The following NELL1 variants were observed in gnomAD, a reference collection of about 807,000 sequenced individuals.
NELL1 encodes the protein protein kinase C-binding protein NELL1.
A neutral mutation model predicts 107.4 loss-of-function variants in NELL1; 76 were observed. That is an observed-to-expected ratio of 0.71 (90% CI 0.59 to 0.86). The LOEUF (loss-of-function observed/expected upper bound fraction) is 0.86, where lower values mean the gene tolerates loss of function less well. NELL1 is among the 40% of genes least tolerant of loss of function. The probability of loss-of-function intolerance (pLI) is 0.00; values close to 1 mark genes in which losing one functional copy is unlikely to be tolerated. For missense variants in NELL1, 1,024 were observed against 1,005.5 expected (o/e 1.02, Z -0.25); for synonymous variants, 353 against 341.2 (o/e 1.03, Z -0.38).
chr11:21,030,423 T>C (rs988088345), intron 12 of NELL1, among the ~76,000 whole-genome samples: 10 of 152,190 alleles, frequency 6.6e-5, no homozygotes, highest in Non-Finnish European at 1.3e-4. Context: ...CTTTTTGATA[T>C]TCAGCTAATG....
chr11:21,061,413 G>C (rs893554473), intron 12 of NELL1, among the ~76,000 whole-genome samples: 3 of 152,104 alleles, frequency 2.0e-5, no homozygotes, highest in East Asian at 1.9e-4. Flanking sequence ...AACTTTGAAG[G>C]GTACACAGGA....
intron 1 of NELL1, among the ~76,000 whole-genome samples, chr11:20,673,155 C>A (rs1313504598): frequency 6.6e-6 from 1 of 152,048 alleles, no homozygotes; most frequent in Non-Finnish European, 1.5e-5. Context: ...AGCCACTGCG[C>A]CTGGCCAAGA....
chr11:20,936,236 T>C (rs1345032235), intron 9 of NELL1, among the ~76,000 whole-genome samples: 1 of 152,154 alleles, frequency 6.6e-6, no homozygotes, highest in Non-Finnish European at 1.5e-5. Flanking sequence ...CTGTGTACCA[T>C]GTTCACCCAT....
chr11:21,410,602 A>G (rs1302783693), intron 15 of NELL1, among the ~76,000 whole-genome samples: 1 of 152,104 alleles, frequency 6.6e-6, no homozygotes, highest in East Asian at 1.9e-4. Context: ...GATTTGTTAT[A>G]TGTGTGGATT....
intron 12 of NELL1, among the ~76,000 whole-genome samples, chr11:21,036,749 C>T (rs1853102489): frequency 6.6e-6 from 1 of 151,102 alleles, no homozygotes; most frequent in South Asian, 2.1e-4. Flanking sequence ...CACACACACT[C>T]ACACACACAA....
chr11:21,185,293 C>G (rs867520266), intron 13 of NELL1, among the ~76,000 whole-genome samples: 1 of 118,478 alleles, frequency 8.4e-6, no homozygotes, highest in Non-Finnish European at 1.6e-5. Context: ...ATTCCAGTAT[C>G]TTTTTTTTTT....
chr11:21,379,518 AC>A (rs1797615915), intron 15 of NELL1, among the ~76,000 whole-genome samples: 1 of 152,102 alleles, frequency 6.6e-6, no homozygotes. Context: ...TTGTTCATTC[AC>A]AATATAATTT....
intron 14 of NELL1, among the ~76,000 whole-genome samples, chr11:21,302,161 G>C (rs1401391464): frequency 6.6e-6 from 1 of 151,964 alleles, no homozygotes; most frequent in Admixed American, 6.6e-5. Context: ...GGTTGACCAG[G>C]CTCAGCTGGG....
chr11:21,495,574 A>T (rs1455681727), intron 15 of NELL1, among the ~76,000 whole-genome samples: 1 of 152,130 alleles, frequency 6.6e-6, no homozygotes, highest in Non-Finnish European at 1.5e-5. Flanking sequence ...ACTTTCTAAG[A>T]AACTACCAAA....
chr11:20,977,039 A>G (rs1400647187), intron 12 of NELL1, among the ~76,000 whole-genome samples: 1 of 151,998 alleles, frequency 6.6e-6, no homozygotes, highest in Non-Finnish European at 1.5e-5. Context: ...GATGTTTCTG[A>G]ATATGTGGCC....
At chr11:20,956,840 A>G (rs1009935556) in intron 11 of NELL1, among the ~76,000 whole-genome samples, 6 of 152,202 alleles carry the variant, frequency 3.9e-5, no homozygotes, top group Non-Finnish European at 7.3e-5. Context: ...GTACTGATTT[A>G]AAGATGATAA....
chr11:21,494,792 G>A lies in NELL1; in HGVS notation c.1646-39582G>A, dbSNP rs181376223. Among the ~76,000 whole-genome samples, 34 of 151,770 alleles carry A rather than the reference G, an allele frequency of 2.2e-4. No individual in the cohort carries two copies. The South Asian group carries it at 4.8e-3, about 21-fold the overall frequency. On this transcript the variant is annotated intron_variant, in intron 15 of 19. Transcript: ENST00000357134. ...TAAACAAATCAACAGTTCAAACAACGTAGATAAATCTTATAAACATTGTTT... is the reference window on the plus strand; with the variant it reads ...TAAACAAATCAACAGTTCAAACAACATAGATAAATCTTATAAACATTGTTT...
chr11:21,141,695 A>G (rs1855871103), intron 13 of NELL1, among the ~76,000 whole-genome samples: 1 of 152,172 alleles, frequency 6.6e-6, no homozygotes, highest in Non-Finnish European at 1.5e-5. Context: ...AGGAACGCAG[A>G]GAACAGTGGT....
At chr11:21,381,294 C>G (rs1179589528) in intron 15 of NELL1, among the ~76,000 whole-genome samples, 2 of 151,472 alleles carry the variant, frequency 1.3e-5, no homozygotes, top group Non-Finnish European at 3.0e-5. Context: ...AAAGAGTAAA[C>G]AAAAAAGGGG....
At chr11:21,378,130 G>A (rs1436339618) in intron 15 of NELL1, among the ~76,000 whole-genome samples, 5 of 151,850 alleles carry the variant, frequency 3.3e-5, no homozygotes, top group African/African-American at 9.6e-5. Flanking sequence ...CTTTTAAAAA[G>A]TCTCTAGTAA....
At chr11:20,732,000 G>T (rs189650787) in intron 2 of NELL1, among the ~76,000 whole-genome samples, 2 of 152,148 alleles carry the variant, frequency 1.3e-5, no homozygotes, top group South Asian at 4.1e-4. Flanking sequence ...TTCTAGAGAA[G>T]CATTTCACAA....
intron 16 of NELL1, among the ~76,000 whole-genome samples, chr11:21,544,623 T>G (rs570629678): frequency 1.3e-5 from 2 of 152,080 alleles, no homozygotes; most frequent in East Asian, 3.9e-4. Context: ...TTTACTCACT[T>G]TATCCTCAAA....
At chr11:20,904,892 G>T (rs1282620147) in intron 5 of NELL1, among the ~76,000 whole-genome samples, 1 of 151,456 alleles carries the variant, frequency 6.6e-6, no homozygotes, top group Non-Finnish European at 1.5e-5. Context: ...ACAATGATAT[G>T]ATCATGGCTC....
intron 14 of NELL1, among the ~76,000 whole-genome samples, chr11:21,350,013 A>T (rs931205968): frequency 1.3e-5 from 2 of 152,176 alleles, no homozygotes; most frequent in African/African-American, 2.4e-5. Context: ...AATAATTTTT[A>T]AAAATCTGAT....
Sources: gnomAD v4.1 joint callset for allele counts (sites outside exome capture counted in the v4.1 genomes callset) on GRCh38, gnomAD v4.1.1 for gene constraint, MANE v1.5 for transcripts, NCBI Gene and HGNC (gene_info 2026-07-23, HGNC 2026-07-21) for gene names.